The following RNF144B variants were observed in gnomAD, a reference collection of about 807,000 sequenced individuals.
RNF144B encodes E3 ubiquitin-protein ligase RNF144B.
A neutral mutation model predicts 40.2 loss-of-function variants in RNF144B; 25 were observed. The observed-to-expected ratio is 0.62, with a 90% CI of 0.45 to 0.87. The LOEUF (loss-of-function observed/expected upper bound fraction) is 0.87. RNF144B is among the 40% of genes least tolerant of loss of function. The probability of loss-of-function intolerance (pLI) is 0.00; values close to 1 mark genes in which losing one functional copy is unlikely to be tolerated. For synonymous variants in RNF144B, 145 were observed against 136.3 expected (o/e 1.06, Z -0.44); for missense variants, 365 against 373.7 (o/e 0.98, Z 0.19).
At chr6:18,429,257 G>T (rs1006719248) in intron 3 of RNF144B, among the ~76,000 whole-genome samples, 4 of 151,888 alleles carry the variant, frequency 2.6e-5, no homozygotes, top group African/African-American at 7.3e-5. Context: ...TATGATAAAG[G>T]ACTTAATAAT....
At chr6:18,421,984 C>A (rs1740616457) in intron 2 of RNF144B, among the ~76,000 whole-genome samples, 1 of 152,062 alleles carries the variant, frequency 6.6e-6, no homozygotes, top group South Asian at 2.1e-4. Flanking sequence ...CTTTCATGTC[C>A]TATATGGTTG....
At chr6:18,445,647 A>G (rs556196519) in intron 4 of RNF144B, among the ~76,000 whole-genome samples, 2 of 152,288 alleles carry the variant, frequency 1.3e-5, no homozygotes, top group Non-Finnish European at 2.9e-5. Flanking sequence ...ATAGTAATAT[A>G]AAATTTTGAA....
chr6:18,449,242 AC>A lies in RNF144B; in HGVS notation c.332-7912del, dbSNP rs1234789018. Among the ~76,000 whole-genome samples the A allele has an allele frequency of 2.0e-5, 3 of 152,230 alleles. No individual in the cohort carries two copies. The East Asian group carries it at 5.8e-4, about 29-fold the overall frequency. On this transcript the variant is annotated intron_variant, in intron 4 of 7. Coordinates refer to ENST00000259939, the MANE Select transcript of RNF144B (RefSeq NM_182757.4). The stretch of plus-strand genomic sequence containing the variant: ...AAATGTGGAAATCTTTCAGATCAAA[AC>A]TATCTGTAGATTGGTTGCTTATTCA...
At chr6:18,409,368 A>C (rs1318091263) in intron 2 of RNF144B, among the ~76,000 whole-genome samples, 1 of 90,620 alleles carries the variant, frequency 1.1e-5, no homozygotes, top group Non-Finnish European at 2.1e-5. Context: ...CCTGAGTGAG[A>C]CTGTCTCAAA....
At chr6:18,411,083 C>G (rs1795023127) in intron 2 of RNF144B, among the ~76,000 whole-genome samples, 1 of 151,278 alleles carries the variant, frequency 6.6e-6, no homozygotes, top group East Asian at 2.0e-4. Context: ...CTCCCGGGTT[C>G]AAGCAGTTCT....
At chr6:18,449,763 T>C (rs866563884) in intron 4 of RNF144B, among the ~76,000 whole-genome samples, 7 of 152,032 alleles carry the variant, frequency 4.6e-5, no homozygotes, top group Non-Finnish European at 1.0e-4. Flanking sequence ...TCTTATGTAG[T>C]CATTGTTTTT....
Position 18,395,554 on chromosome 6 carries a change from T to C in RNF144B, c.-36-3945T>C, listed in dbSNP as rs1269598503. Among the ~76,000 whole-genome samples, 2 of 150,874 alleles carry C rather than the reference T, an allele frequency of 1.3e-5. No individual in the cohort carries two copies. The highest frequency in any genetic ancestry group is 2.9e-5 in the Non-Finnish European group (2 of 67,824). ...AGCTCATTTTGCAATGAATCAATGG[T>C]GAAAGGATTTCTTGTTTGATATTCT... is the stretch of plus-strand genomic sequence containing the variant. On this transcript the variant is annotated intron_variant, in intron 1 of 7. Transcript: ENST00000259939. This position sits in a 1 kb window ranked among gnomAD's most constrained non-coding sequence, Gnocchi z 4.5.
chr6:18,456,850 G>T lies in RNF144B; in HGVS notation c.332-305G>T, dbSNP rs1759339293. 6.6e-6 allele frequency among the ~76,000 whole-genome samples: 1 copy of T among 152,156 alleles called. No homozygotes were observed. The highest frequency in any genetic ancestry group is 2.4e-5 in the African/African-American group (1 of 41,430). On this transcript the variant is annotated intron_variant, in intron 4 of 7. Transcript: ENST00000259939. The surrounding 1 kb of genome is among the most constrained non-coding windows in gnomAD (Gnocchi z 4.7). ...GGCCAAGGTAGGCAGATCACCTGGGGTCAGGAATTCGAGATCAGCCTGGCC... is the reference window on the plus strand; with the variant it reads ...GGCCAAGGTAGGCAGATCACCTGGGTTCAGGAATTCGAGATCAGCCTGGCC...
chr6:18,451,499 T>G (rs1759209553), intron 4 of RNF144B, among the ~76,000 whole-genome samples: 1 of 152,172 alleles, frequency 6.6e-6, no homozygotes, highest in Middle Eastern at 3.4e-3. Context: ...AAGAAAGCAG[T>G]ATTGATGATA....
intron 3 of RNF144B, 79 bp downstream of exon 3, chr6:18,427,764 TACCA>T: frequency 2.4e-5 from 22 of 932,466 alleles, no homozygotes; most frequent in Non-Finnish European, 3.5e-5. Context: ...TGTATTTCCC[TACCA>T]GGGAGTCTAG....
intron 4 of RNF144B, among the ~76,000 whole-genome samples, chr6:18,440,701 G>A (rs1241703127): frequency 1.1e-5 from 1 of 93,776 alleles, no homozygotes; most frequent in Admixed American, 1.3e-4. Context: ...GGTAGAGTAG[G>A]AATGCTTGTT....
rs907339285 is a variant in RNF144B, at chr6:18,439,677, G to A, written c.271-7G>A. Reference sequence around the variant, plus strand: ...GAAGTCTCAACCTTTTATGTCTCTGGTTTCAGATTGCCTGTTTGGTACCTG... The same window carrying A: ...GAAGTCTCAACCTTTTATGTCTCTGATTTCAGATTGCCTGTTTGGTACCTG... On this transcript the variant is annotated splice_region_variant and splice_polypyrimidine_tract_variant and intron_variant, in intron 3 of 7. Transcript: ENST00000259939. The A allele has an allele frequency of 6.2e-7, 1 of 1,609,644 alleles. No homozygotes were observed. Among genetic ancestry groups the A allele is most frequent in the African/African-American group, 1.3e-5 (1 of 74,964 alleles).
Position 18,441,214 on chromosome 6 carries a change from C to T in RNF144B, c.331+1470C>T, listed in dbSNP as rs7751434. On this transcript the variant is annotated intron_variant, in intron 4 of 7. Coordinates refer to ENST00000259939, the MANE Select transcript of RNF144B (RefSeq NM_182757.4). This position sits in a 1 kb window ranked among gnomAD's most constrained non-coding sequence, Gnocchi z 4.9. ...CTGCCATTTTCCCACTTTATCCCAA[C>T]ATCCTCCACTATAAAAATCAATTAT... Among the ~76,000 whole-genome samples, 18,996 of 152,208 alleles carry T rather than the reference C, an allele frequency of 0.12. 1,362 individuals are homozygous for T. The highest frequency in any genetic ancestry group is 0.19 in the Admixed American group (2,951 of 15,272).
Position 18,463,294 on chromosome 6 carries a change from G to C in RNF144B, c.685G>C (p.Asp229His). The C allele has an allele frequency of 6.3e-7, 1 of 1,586,110 alleles. No individual in the cohort carries two copies. The highest frequency in any genetic ancestry group is 8.7e-7 in the Non-Finnish European group (1 of 1,154,538). Residue 229 changes from aspartate (D) to histidine (H), a missense_variant, in exon 7 of 8, where the codon GAC (aspartate) becomes CAC (histidine). Transcript: ENST00000259939. The part of the protein sequence containing the change: ...CWYCLQNLDN[D>H]IFLRHYDKGP... Reference sequence around the variant, plus strand: ...AATCAATCTTTTTATTTTTCAGAATGACATTTTCCTCAGACATTATGACAA... The same window carrying C: ...AATCAATCTTTTTATTTTTCAGAATCACATTTTCCTCAGACATTATGACAA...
At chr6:18,431,840 G>A (rs1344723423) in intron 3 of RNF144B, among the ~76,000 whole-genome samples, 1 of 152,188 alleles carries the variant, frequency 6.6e-6, no homozygotes, top group Non-Finnish European at 1.5e-5. Context: ...AGTTGGCTGT[G>A]CTCCATGTAC....
rs1026562838 is a variant in RNF144B at position 18,398,857 on chromosome 6, T to G, written c.-36-642T>G. 6.6e-6 allele frequency among the ~76,000 whole-genome samples: 1 copy of G among 152,252 alleles called. No homozygotes were observed. Among genetic ancestry groups the G allele is most frequent in the Non-Finnish European group, 1.5e-5 (1 of 68,042 alleles). ...CATATGTTACCTCTTTGTTTAACTT[T>G]TTGAATGACATTCTATTTTAAGTAC... On this transcript the variant is annotated intron_variant, in intron 1 of 7. Coordinates refer to ENST00000259939, the MANE Select transcript of RNF144B (RefSeq NM_182757.4). The surrounding 1 kb of genome is among the most constrained non-coding windows in gnomAD (Gnocchi z 5.0).
intron 1 of RNF144B, among the ~76,000 whole-genome samples, chr6:18,393,335 G>T (rs1246944990): frequency 1.3e-5 from 2 of 152,154 alleles, no homozygotes; most frequent in Non-Finnish European, 2.9e-5. Context: ...GGAGAGTAGA[G>T]CTACAACACT....
chr6:18,426,709 G>T (rs1225942156), intron 2 of RNF144B, among the ~76,000 whole-genome samples: 3 of 150,260 alleles, frequency 2.0e-5, no homozygotes, highest in Non-Finnish European at 4.4e-5. Context: ...TTCTTCTGTG[G>T]GTTTCTTTTT....
Position 18,446,159 on chromosome 6 carries a change from T to C in RNF144B, c.331+6415T>C, listed in dbSNP as rs955407455. 2.0e-5 allele frequency among the ~76,000 whole-genome samples: 3 copies of C among 152,256 alleles called. No individual in the cohort carries two copies. Among genetic ancestry groups the C allele is most frequent in the Admixed American group, 1.3e-4 (2 of 15,286 alleles). ...GGGCTGCTGATGTCTGATGACTCTC[T>C]GCATTTTTTCTATTTCTACTAAACC... On this transcript the variant is annotated intron_variant, in intron 4 of 7. Coordinates refer to ENST00000259939, the MANE Select transcript of RNF144B (RefSeq NM_182757.4). The surrounding 1 kb of genome is among the most constrained non-coding windows in gnomAD (Gnocchi z 4.7).
Sources: gnomAD v4.1 joint callset for allele counts (sites outside exome capture counted in the v4.1 genomes callset) on GRCh38, gnomAD v4.1.1 for gene constraint, Gnocchi (gnomAD v3.1) non-coding constraint, MANE v1.5 for transcripts, NCBI Gene and HGNC (gene_info 2026-07-23, HGNC 2026-07-21) for gene names.